NRXN1: variants seen among roughly 807,000 people sequenced by gnomAD.
The protein encoded by NRXN1 is neurexin-1.
In NRXN1, 39 loss-of-function variants were observed where a neutral mutation model predicts 150.9. That is an observed-to-expected ratio of 0.26 (90% CI 0.20 to 0.34). The LOEUF is 0.34. Ranked by LOEUF, NRXN1 falls within the 10% of genes least tolerant of loss-of-function variation. The probability of loss-of-function intolerance (pLI) is 1.00; values close to 1 mark genes in which losing one functional copy is unlikely to be tolerated. For missense variants in NRXN1, 1,815 were observed against 1,949.9 expected (o/e 0.93, Z 1.30); for synonymous variants, 924 against 757.0 (o/e 1.22, Z -3.62).
In NRXN1 at chr2:50,552,821, G is replaced by A. The variant is rs768913131; in HGVS notation, c.1525C>T (p.Arg509Cys). The part of the protein sequence containing the change: ...KKTGSISFDF[R>C]TTEPNGLILF... The stretch of plus-strand genomic sequence containing the variant: ...ATGAGGCCATTTGGCTCTGTTGTAC[G>A]GAAATCAAATGATATGGAGCCAGTT... The change falls in exon 9 of 23, where the codon CGT becomes TGT. Residue 509 changes from arginine to cysteine, a missense_variant. Arg to Cys is a radical substitution (Grantham distance 180). Transcript: ENST00000401669. 3.7e-6 allele frequency: 6 copies of A among 1,613,878 alleles called. 1 individual carries two copies. The highest frequency in any genetic ancestry group is 2.2e-5 in the South Asian group (2 of 91,084).
intron 17 of NRXN1, among the ~76,000 whole-genome samples, chr2:50,419,628 C>T (rs1481838579): frequency 2.0e-5 from 3 of 151,622 alleles, no homozygotes; most frequent in Non-Finnish European, 2.9e-5. Context: ...AAAAAAGAAA[C>T]GGAGATAAAG....
At chr2:50,132,388 C>T (rs1705653626) in intron 18 of NRXN1, among the ~76,000 whole-genome samples, 1 of 150,718 alleles carries the variant, frequency 6.6e-6, no homozygotes, top group Non-Finnish European at 1.5e-5. Context: ...TCACTGCAAC[C>T]TCCGCCTCCT....
intron 5 of NRXN1, among the ~76,000 whole-genome samples, chr2:50,776,430 T>C (rs998250709): frequency 2.0e-4 from 30 of 152,076 alleles, no homozygotes; most frequent in Non-Finnish European, 4.0e-4. Flanking sequence ...TATTCTCTTA[T>C]CTTTTATTTC....
chr2:50,672,593 C>G (rs2104737791), intron 5 of NRXN1, among the ~76,000 whole-genome samples: 1 of 151,992 alleles, frequency 6.6e-6, no homozygotes, highest in Non-Finnish European at 1.5e-5. Flanking sequence ...TCCTCCACCC[C>G]CATTTCAGTT....
chr2:51,001,237 G>T (rs36096736), intron 2 of NRXN1, among the ~76,000 whole-genome samples: 24 of 112,146 alleles, frequency 2.1e-4, no homozygotes, highest in African/African-American at 6.4e-4. Flanking sequence ...ATGGGGTTGG[G>T]GGGGGGGGGC....
intron 17 of NRXN1, among the ~76,000 whole-genome samples, chr2:50,258,542 G>A (rs2067945072): frequency 6.6e-6 from 1 of 151,932 alleles, no homozygotes. Flanking sequence ...CTGAAGTCTT[G>A]AGCCTGTCAA....
chr2:50,389,822 A>G (rs2081569982), intron 17 of NRXN1, among the ~76,000 whole-genome samples: 1 of 152,196 alleles, frequency 6.6e-6, no homozygotes, highest in Non-Finnish European at 1.5e-5. Flanking sequence ...TCGTTAAAAA[A>G]GCTGTTGAAA....
At chr2:50,179,475 T>C (rs2060562679) in intron 18 of NRXN1, among the ~76,000 whole-genome samples, 1 of 152,146 alleles carries the variant, frequency 6.6e-6, no homozygotes, top group Non-Finnish European at 1.5e-5. Flanking sequence ...ACAAGCAAAT[T>C]AGACCCACTG....
At chr2:50,752,319 C>A (rs1700686517) in intron 5 of NRXN1, among the ~76,000 whole-genome samples, 1 of 151,938 alleles carries the variant, frequency 6.6e-6, no homozygotes, top group Non-Finnish European at 1.5e-5. Context: ...AGGGTATTAA[C>A]TTCTGCCAAT....
chr2:50,878,838 G>T (rs545129125), intron 5 of NRXN1, among the ~76,000 whole-genome samples: 1 of 152,056 alleles, frequency 6.6e-6, no homozygotes, highest in Non-Finnish European at 1.5e-5. Context: ...TCTCTACAAG[G>T]TAGGTTTTTG....
intron 21 of NRXN1, among the ~76,000 whole-genome samples, chr2:50,029,233 T>C (rs1688823554): frequency 6.6e-6 from 1 of 152,204 alleles, no homozygotes; most frequent in South Asian, 2.1e-4. Flanking sequence ...CCGAATCAGC[T>C]GCCACCTTGA....
rs2073040294 is a variant in NRXN1, at chr2:50,292,435, T to C, written c.3365-55465A>G. ...AAAGTACTATCAGTCATTTTCATCC[T>C]TTAACAGGTTCTGAAATGCATTACT... On this transcript the variant is annotated intron_variant, in intron 17 of 22. Transcript: ENST00000401669. Among the ~76,000 whole-genome samples, 4 of 152,300 alleles carry C rather than the reference T, an allele frequency of 2.6e-5. 1 individual carries two copies. In the South Asian group the frequency reaches 8.3e-4, roughly 32 times the overall value.
chr2:50,403,559 A>G (rs1266718291), intron 17 of NRXN1, among the ~76,000 whole-genome samples: 2 of 152,066 alleles, frequency 1.3e-5, no homozygotes, highest in Admixed American at 1.3e-4. Flanking sequence ...TTATTTTAAA[A>G]CTACTTGGAG....
intron 18 of NRXN1, among the ~76,000 whole-genome samples, chr2:50,133,478 A>G (rs1705881463): frequency 6.6e-6 from 1 of 152,200 alleles, no homozygotes. Flanking sequence ...TGACACCCAA[A>G]TCTTCATCAG....
intron 21 of NRXN1, among the ~76,000 whole-genome samples, chr2:49,985,438 G>C (rs182201088): frequency 4.0e-4 from 61 of 152,258 alleles, no homozygotes; most frequent in Admixed American, 1.8e-3. Context: ...ATAGATTCAT[G>C]TGAAGCCTGG....
At chr2:50,172,662 T>G (rs953150029) in intron 18 of NRXN1, among the ~76,000 whole-genome samples, 3 of 152,196 alleles carry the variant, frequency 2.0e-5, no homozygotes, top group African/African-American at 7.2e-5. Context: ...TAGCCTTTGA[T>G]TCTGAAGAAA....
chr2:50,661,771 C>G (rs970204624), intron 5 of NRXN1, among the ~76,000 whole-genome samples: 1 of 152,054 alleles, frequency 6.6e-6, no homozygotes, highest in Admixed American at 6.6e-5. Flanking sequence ...TTCTGATGCA[C>G]CATCTGAAGA....
intron 21 of NRXN1, among the ~76,000 whole-genome samples, chr2:50,052,634 G>T (rs947367574): frequency 6.6e-6 from 1 of 152,042 alleles, no homozygotes. Context: ...GCACAAGATT[G>T]AAATAAGCTA....
At chr2:50,340,006 T>C (rs571131639) in intron 17 of NRXN1, among the ~76,000 whole-genome samples, 1 of 152,338 alleles carries the variant, frequency 6.6e-6, no homozygotes, top group Non-Finnish European at 1.5e-5. Flanking sequence ...TTTGTTAGTC[T>C]TTTCCAAAAC....
Sources: gnomAD v4.1 joint callset for allele counts (sites outside exome capture counted in the v4.1 genomes callset) on GRCh38, gnomAD v4.1.1 for gene constraint, MANE v1.5 for transcripts, NCBI Gene and HGNC (gene_info 2026-07-23, HGNC 2026-07-21) for gene names.